CNTN4: variants seen among roughly 807,000 people sequenced by gnomAD.
CNTN4 encodes contactin 4.
A neutral mutation model predicts 122.5 loss-of-function variants in CNTN4; 77 were observed. That is an observed-to-expected ratio of 0.63 (90% CI 0.52 to 0.76). The LOEUF is 0.76. CNTN4 is among the 30% of genes least tolerant of loss of function. The probability of loss-of-function intolerance (pLI) is 0.00; values close to 1 mark genes in which losing one functional copy is unlikely to be tolerated. For missense variants in CNTN4, 1,256 were observed against 1,259.1 expected, an observed-to-expected ratio of 1.00 and a Z score of 0.04; for synonymous variants, 512 against 447.0, an observed-to-expected ratio of 1.15 and a Z score of -1.83.
At chr3:2,137,720 T>G (rs1041745433) in intron 2 of CNTN4, among the ~76,000 whole-genome samples, 4 of 152,186 alleles carry the variant, frequency 2.6e-5, no homozygotes, top group Admixed American at 2.0e-4. Context: ...AGAAATGAAT[T>G]TTTCGAAAGA....
chr3:2,410,372 A>T (rs1351825498), intron 3 of CNTN4, among the ~76,000 whole-genome samples: 1 of 152,224 alleles, frequency 6.6e-6, no homozygotes, highest in East Asian at 1.9e-4. Context: ...GAAGATTTCC[A>T]TCTTCTAACA....
chr3:2,872,178 C>T (rs551175998), intron 8 of CNTN4, among the ~76,000 whole-genome samples: 11 of 152,270 alleles, frequency 7.2e-5, no homozygotes, highest in Non-Finnish European at 1.3e-4. Flanking sequence ...ACAGACCACT[C>T]ATATAGCATA....
chr3:2,191,192 C>A (rs1027191544), intron 2 of CNTN4, among the ~76,000 whole-genome samples: 7 of 151,960 alleles, frequency 4.6e-5, no homozygotes, highest in Middle Eastern at 3.5e-3. Flanking sequence ...CCTCAGCCTT[C>A]CTAGTAGCTG....
chr3:2,987,903 CATTTA>C (rs1694724055), intron 13 of CNTN4, among the ~76,000 whole-genome samples: 1 of 152,120 alleles, frequency 6.6e-6, no homozygotes, highest in Admixed American at 6.6e-5. Context: ...AATAATACCT[CATTTA>C]ATTTAAGGCT....
intron 4 of CNTN4, among the ~76,000 whole-genome samples, chr3:2,595,812 C>A (rs1288427648): frequency 6.6e-6 from 1 of 151,418 alleles, no homozygotes; most frequent in African/African-American, 2.4e-5. Context: ...AACAGTAGAT[C>A]TGCATGATCC....
chr3:2,595,684 G>A (rs2080735572), intron 4 of CNTN4, among the ~76,000 whole-genome samples: 1 of 152,166 alleles, frequency 6.6e-6, no homozygotes, highest in South Asian at 2.1e-4. Flanking sequence ...GAGCTTGGGT[G>A]TAGCCCCTCC....
intron 3 of CNTN4, among the ~76,000 whole-genome samples, chr3:2,547,419 C>T (rs973516227): frequency 2.6e-5 from 4 of 152,130 alleles, no homozygotes; most frequent in African/African-American, 7.2e-5. Context: ...GTGCTCACCA[C>T]CATGCCCAGC....
chr3:2,651,440 T>C (rs2083354206), intron 4 of CNTN4, among the ~76,000 whole-genome samples: 1 of 152,184 alleles, frequency 6.6e-6, no homozygotes, highest in Admixed American at 6.5e-5. Context: ...CAGATTCTCA[T>C]GGAACCTACA....
chr3:2,184,297 T>C (rs1038226405), intron 2 of CNTN4, among the ~76,000 whole-genome samples: 1 of 152,092 alleles, frequency 6.6e-6, no homozygotes, highest in East Asian at 1.9e-4. Flanking sequence ...GAAATTTTCA[T>C]TAAAAGGAAC....
chr3:2,311,561 A>G (rs1207765988), intron 2 of CNTN4, among the ~76,000 whole-genome samples: 4 of 152,062 alleles, frequency 2.6e-5, no homozygotes, highest in South Asian at 2.1e-4. Context: ...AGCATTCTTG[A>G]CAGAGAATGC....
At chr3:2,101,507 AAG>A (rs2031955311) in intron 2 of CNTN4, among the ~76,000 whole-genome samples, 1 of 152,184 alleles carries the variant, frequency 6.6e-6, no homozygotes, top group Non-Finnish European at 1.5e-5. Flanking sequence ...TTAGTTGAAT[AAG>A]TCTATTTCAT....
At chr3:3,014,261 T>A (rs563488156) in intron 14 of CNTN4, among the ~76,000 whole-genome samples, 2 of 152,234 alleles carry the variant, frequency 1.3e-5, no homozygotes, top group African/African-American at 4.8e-5. Flanking sequence ...CTCAATACTT[T>A]CAGTCTGTAG....
At chr3:2,315,622 T>G (rs2043071831) in intron 2 of CNTN4, among the ~76,000 whole-genome samples, 1 of 152,070 alleles carries the variant, frequency 6.6e-6, no homozygotes, top group African/African-American at 2.4e-5. Context: ...GAGAATATGT[T>G]GAGACACCCT....
chr3:2,678,430 A>G (rs1475552797), intron 4 of CNTN4, among the ~76,000 whole-genome samples: 1 of 152,180 alleles, frequency 6.6e-6, no homozygotes, highest in East Asian at 1.9e-4. Context: ...TAGCTGCTTA[A>G]TAACAGCCAA....
intron 4 of CNTN4, among the ~76,000 whole-genome samples, chr3:2,592,649 G>A (rs1412913144): frequency 8.5e-5 from 13 of 152,140 alleles, no homozygotes; most frequent in Middle Eastern, 6.8e-3. Context: ...CTTTCCTTCC[G>A]CCATGATTGT....
At chr3:2,497,759 G>A (rs892676037) in intron 3 of CNTN4, among the ~76,000 whole-genome samples, 1 of 151,980 alleles carries the variant, frequency 6.6e-6, no homozygotes, top group Non-Finnish European at 1.5e-5. Flanking sequence ...ATCCCTTATA[G>A]AGCACTTAAC....
chr3:2,653,272 A>T (rs191786664), intron 4 of CNTN4, among the ~76,000 whole-genome samples: 1 of 152,172 alleles, frequency 6.6e-6, no homozygotes. Flanking sequence ...ATACTGCTTT[A>T]AAACTCAATA....
At chr3:2,496,015 C>T (rs988684274) in intron 3 of CNTN4, among the ~76,000 whole-genome samples, 1 of 152,174 alleles carries the variant, frequency 6.6e-6, no homozygotes, top group Admixed American at 6.6e-5. Flanking sequence ...GATTTATGCA[C>T]AAGCGGGCTC....
intron 3 of CNTN4, among the ~76,000 whole-genome samples, chr3:2,501,701 C>A (rs2076598804): frequency 6.6e-6 from 1 of 152,140 alleles, no homozygotes; most frequent in Non-Finnish European, 1.5e-5. Flanking sequence ...TTGGGCCCAC[C>A]CATATAATCT....
Sources: gnomAD v4.1 joint callset for allele counts (sites outside exome capture counted in the v4.1 genomes callset) on GRCh38, gnomAD v4.1.1 for gene constraint, MANE v1.5 for transcripts, NCBI Gene and HGNC (gene_info 2026-07-23, HGNC 2026-07-21) for gene names.